The following KIF12 variants were observed in gnomAD, a reference collection of about 807,000 sequenced individuals.
The protein encoded by KIF12 is kinesin-like protein KIF12.
In KIF12, 80 loss-of-function variants were observed where a neutral mutation model predicts 87.9. That is an observed-to-expected ratio of 0.91 (90% CI 0.76 to 1.10). The LOEUF (loss-of-function observed/expected upper bound fraction) is 1.10, where lower values mean the gene tolerates loss of function less well. Ranked by LOEUF, KIF12 falls within the 50% of genes least tolerant of loss-of-function variation. The pLI is 0.00. For synonymous variants in KIF12, 353 were observed against 348.5 expected (o/e 1.01, Z -0.14); for missense variants, 819 against 865.3 (o/e 0.95, Z 0.67).
At position 114,099,011 on chromosome 9, in the gene KIF12, A is replaced by G; in HGVS notation, c.95T>C (p.Val32Ala). The G allele has an allele frequency of 6.5e-7, 1 of 1,550,198 alleles. No homozygotes were observed. The highest frequency in any genetic ancestry group is 8.7e-7 in the Non-Finnish European group (1 of 1,146,824). Residue 32 changes from valine to alanine, a missense_variant and splice_region_variant, in exon 3 of 19, where the codon GTA (valine) becomes GCA (alanine). Val to Ala is a moderately conservative substitution (Grantham distance 64, BLOSUM62 0). Coordinates refer to ENST00000640217, the MANE Select transcript of KIF12 (RefSeq NM_001388308.1). ...PETPIQVVLR[V>A]RPMSAAELRR... ...CAGCTCGGCCGCGCTCATGGGACGT[A>G]CCCTGGGGTCCGACAGAAGGGCAGA...
chr9:114,098,489 G>GGC, intron 3 of KIF12, 60 bp from the exon 4 acceptor site: 1 of 1,240,980 alleles, frequency 8.1e-7, no homozygotes, highest in African/African-American at 1.7e-5. Flanking sequence ...ACCCTGGAGG[G>GGC]GCGGGGCACC....
chr9:114,092,581 G>A lies in KIF12; in HGVS notation c.1658C>T (p.Pro553Leu), dbSNP rs1475446341. 1.3e-5 allele frequency: 21 copies of A among 1,607,584 alleles called. No homozygotes were observed. The highest frequency in any genetic ancestry group is 1.7e-5 in the Non-Finnish European group (20 of 1,178,372). Reference protein sequence around the residue: ...PPSARPPPWAPPCSPGSAKCP... With the variant: ...PPSARPPPWALPCSPGSAKCP... ...CTTGGCAGAGCCAGGGCTGCATGGG[G>A]GTGCCCAGGGTGGGGGCCGGGCAGA... The change falls in exon 17 of 19, where the codon CCC (proline) becomes CTC (leucine). Residue 553 changes from proline (P) to leucine (L), a missense_variant. Coordinates refer to ENST00000640217, the MANE Select transcript of KIF12 (RefSeq NM_001388308.1).
chr9:114,092,426 G>A lies in KIF12; in HGVS notation c.1723C>T (p.Arg575Ter), dbSNP rs750069192. The change falls in exon 18 of 19, where the codon CGA becomes TGA. Residue 575 changes from arginine to a stop codon, truncating the protein, a stop_gained. Transcript: ENST00000640217. LOFTEE classifies it high-confidence loss of function. Reference sequence around the variant, plus strand: ...TCCGTCAACATCTCTGCCAGGACTCGGGTCTGAGTCCAGTCACTGTGACTC... The same window carrying A: ...TCCGTCAACATCTCTGCCAGGACTCAGGTCTGAGTCCAGTCACTGTGACTC... ...ERSHSDWTQT[R>*]VLAEMLTEEE... 11 of 1,613,400 alleles carry A rather than the reference G, an allele frequency of 6.8e-6. No individual in the cohort carries two copies. Among genetic ancestry groups the A allele is most frequent in the South Asian group, 3.3e-5 (3 of 91,000 alleles).
chr9:114,092,095 G>T (rs1361535373), intron 18 of KIF12, 95 bp from the exon 19 acceptor site: 51 of 1,476,522 alleles, frequency 3.5e-5, no homozygotes, highest in Non-Finnish European at 4.0e-5. Context: ...AGCCTCAGGG[G>T]GTAGGTACCC....
In KIF12 at chr9:114,093,312, A is replaced by G. The variant is rs1367087125; in HGVS notation, c.1513T>C (p.Cys505Arg). The change falls in exon 16 of 19, where the codon TGC (cysteine) becomes CGC (arginine). Residue 505 changes from cysteine (C) to arginine (R), a missense_variant. By Grantham distance (180) the Cys-to-Arg change is radical. Transcript: ENST00000640217. Reference protein sequence around the residue: ...PCHALPPLYSCPCCHICPLCR... With the variant: ...PCHALPPLYSRPCCHICPLCR... Reference sequence around the variant, plus strand: ...AGTGGGCAGATGTGGCAGCAGGGGCAGGAGTAGAGGGGTGGCAGTGCCTGC... The same window carrying G: ...AGTGGGCAGATGTGGCAGCAGGGGCGGGAGTAGAGGGGTGGCAGTGCCTGC... 4.5e-6 allele frequency: 7 copies of G among 1,560,070 alleles called. No individual in the cohort carries two copies. The highest frequency in any genetic ancestry group is 6.1e-6 in the Non-Finnish European group (7 of 1,151,476).
rs1847375458 is a variant in KIF12 at position 114,099,133 on chromosome 9, C to A, written c.63G>T (p.Gly21=). ...GCACCACCTGGATGGGCGTTTCCGG[C>A]CCCTCTGGCCCTTGCTCCAGGCTCC... is the stretch of plus-strand genomic sequence containing the variant. ...LARSLEQGPE[G]PETPIQVVLR... Residue 21 remains glycine (G), a synonymous_variant, in exon 2 of 19, where the codon GGG becomes GGT. Coordinates refer to ENST00000640217, the MANE Select transcript of KIF12 (RefSeq NM_001388308.1). 6.4e-7 allele frequency: 1 copy of A among 1,550,468 alleles called. No individual in the cohort carries two copies. The highest frequency in any genetic ancestry group is 1.4e-5 in the African/African-American group (1 of 73,010).
At chr9:114,092,024 C>T (rs1469322277) in intron 18 of KIF12, 24 bp from the exon 19 acceptor site, 2 of 1,600,748 alleles carry the variant, frequency 1.2e-6, no homozygotes, top group Admixed American at 1.7e-5. Flanking sequence ...AGACTCGAGG[C>T]CTGCCCTCTC....
rs1360686480 is a variant in KIF12, at chr9:114,098,423, G to A, written c.178C>T (p.Pro60Ser). 3.3e-6 allele frequency: 5 copies of A among 1,510,618 alleles called. No homozygotes were observed. The highest frequency in any genetic ancestry group is 4.2e-5 in the Admixed American group (2 of 47,208). 93.6% of individuals were successfully genotyped at this position (1,510,618 alleles called of 1,614,324 possible). ...GCCACTTCTGGACCCCCGCCTGGAG[G>A]ACTCACCTGGCGCGGGTGGGGCGGA... ...CSGTRTLQVS[P>S]PGGGPEVAFR... is the part of the protein sequence containing the mutation. Residue 60 changes from proline (P) to serine (S), a missense_variant, in exon 4 of 19, where the codon CCT becomes TCT. By Grantham distance (74) the Pro-to-Ser change is moderately conservative. Transcript: ENST00000640217.
At chr9:114,097,560 G>T (rs374263054) in intron 6 of KIF12, 47 bp downstream of exon 6, 6 of 1,607,950 alleles carry the variant, frequency 3.7e-6, no homozygotes, top group Non-Finnish European at 5.1e-6. Flanking sequence ...GGAAAGAAGC[G>T]CTCCGTTTCC....
intron 18 of KIF12, 114 bp from the exon 19 acceptor site, chr9:114,092,114 T>TCCCCCCCCCCC: frequency 1.0e-5 from 14 of 1,389,220 alleles, no homozygotes; most frequent in Non-Finnish European, 1.3e-5. Flanking sequence ...CCTCCACCCT[T>TCCCCCCCCCCC]CCCCCCACCC....
rs1046349451 is a variant in KIF12, at chr9:114,093,930, C to A, written c.1356G>T (p.Gln452His). 6.2e-7 allele frequency: 1 copy of A among 1,614,158 alleles called. No individual in the cohort carries two copies. ...GCTGGGCCAGGATGCGCTGCTCATT[C>A]TGGGCCAGGTCTCGGCTATTCTGCA... ...SQLQNSRDLAQNEQRILAQQV... is the reference protein window; with the variant it reads ...SQLQNSRDLAHNEQRILAQQV... The change falls in exon 14 of 19, where the codon CAG becomes CAT. Residue 452 changes from glutamine (Q) to histidine (H), a missense_variant. By Grantham distance (24) the Gln-to-His change is conservative. Coordinates refer to ENST00000640217, the MANE Select transcript of KIF12 (RefSeq NM_001388308.1).
chr9:114,091,903 A>C lies in KIF12; in HGVS notation c.1914T>G (p.Ser638Arg), dbSNP rs117751044. 8.1e-5 allele frequency: 131 copies of C among 1,611,496 alleles called. 1 individual carries two copies. The African/African-American group carries it at 1.6e-3, about 20-fold the overall frequency. Reference sequence around the variant, plus strand: ...CTTGGCCTGGGCTCCGTGCGCCCTCACTGCAGGGTGGCTGGCTGCGGCCAC... The same window carrying C: ...CTTGGCCTGGGCTCCGTGCGCCCTCCCTGCAGGGTGGCTGGCTGCGGCCAC... ...LRRGRSQPPCSEGARSPGQVL... is the reference protein window; with the variant it reads ...LRRGRSQPPCREGARSPGQVL... The change falls in exon 19 of 19, where the codon AGT (serine) becomes AGG (arginine). Residue 638 changes from serine (S) to arginine (R), a missense_variant. Transcript: ENST00000640217.
chr9:114,093,998 G>C, intron 13 of KIF12, 26 bp from the exon 14 acceptor site: 1 of 1,606,576 alleles, frequency 6.2e-7, no homozygotes, highest in Non-Finnish European at 8.5e-7. Flanking sequence ...AGCCAGGAAG[G>C]GGTAGGAAAT....
chr9:114,098,501 T>TGGTGGAGGGCGGGGCACGCG, intron 3 of KIF12, 72 bp from the exon 4 acceptor site: 1 of 767,786 alleles, frequency 1.3e-6, no homozygotes, highest in Non-Finnish European at 1.7e-6. Context: ...CGGGGCACCG[T>TGGTGGAGGGCGGGGCACGCG]GGAGGAGGGC....
rs966666532 is a variant in KIF12 at position 114,092,617 on chromosome 9, C to G, written c.1622G>C (p.Gly541Ala). ...PQVLDPEASG[G>A]RPPSARPPPW... ...TGGGGGCCGGGCAGATGGGGGCCTGCCACCTGAGGCCTCAGGGTCCAACAC... is the reference window on the plus strand; with the variant it reads ...TGGGGGCCGGGCAGATGGGGGCCTGGCACCTGAGGCCTCAGGGTCCAACAC... Residue 541 changes from glycine (G) to alanine (A), a missense_variant, in exon 17 of 19, where the codon GGC becomes GCC. Gly to Ala is a moderately conservative substitution (Grantham distance 60). Transcript: ENST00000640217. The G allele has an allele frequency of 6.3e-7, 1 of 1,596,154 alleles. No homozygotes were observed. Among genetic ancestry groups the G allele is most frequent in the Non-Finnish European group, 8.5e-7 (1 of 1,174,268 alleles).
chr9:114,097,557 A>C (rs980862323), intron 6 of KIF12, 50 bp downstream of exon 6: 8 of 1,607,380 alleles, frequency 5.0e-6, no homozygotes, highest in Non-Finnish European at 6.8e-6. Context: ...CCTGGAAAGA[A>C]GCGCTCCGTT....
In KIF12 at chr9:114,093,214, C is replaced by T. The variant is rs1288642536; in HGVS notation, c.1596+15G>A. The T allele has an allele frequency of 5.2e-6, 8 of 1,543,984 alleles. No homozygotes were observed. The highest frequency in any genetic ancestry group is 7.0e-6 in the Non-Finnish European group (8 of 1,140,286). On this transcript the variant is annotated intron_variant, in intron 16 of 18. Coordinates refer to ENST00000640217, the MANE Select transcript of KIF12 (RefSeq NM_001388308.1). ...TCTCCCAGCCTTCCCTCACTCCCAC[C>T]ATGGCCTTTCCTACCTGGGGCAGGT... is the stretch of plus-strand genomic sequence containing the variant.
chr9:114,098,461 T>TCTGGAGGTGGGCGGGGCACC, intron 3 of KIF12, 32 bp from the exon 4 acceptor site: 1 of 1,427,068 alleles, frequency 7.0e-7, no homozygotes, highest in Non-Finnish European at 9.2e-7. Flanking sequence ...AGCGGGGCAC[T>TCTGGAGGTGGGCGGGGCACC]CTGGAGGAGG....
Position 114,093,900 on chromosome 9 carries a change from G to A in KIF12, c.1386C>T (p.Val462=), listed in dbSNP as rs936087049. The change falls in exon 14 of 19, where the codon GTC becomes GTT. Residue 462 remains valine, a synonymous_variant. Transcript: ENST00000640217. ...GCTCTGCTTACCTCTCTAGTGCATGGACCTGCTGGGCCAGGATGCGCTGCT... is the reference window on the plus strand; with the variant it reads ...GCTCTGCTTACCTCTCTAGTGCATGAACCTGCTGGGCCAGGATGCGCTGCT... ...QNEQRILAQQ[V]HALERRLLSA... is the part of the protein sequence containing the mutation. 8 of 1,613,924 alleles carry A rather than the reference G, an allele frequency of 5.0e-6. No homozygotes were observed. The African/African-American group carries it at 9.3e-5, about 19-fold the overall frequency.
Sources: gnomAD v4.1 joint callset for allele counts on GRCh38, gnomAD v4.1.1 for gene constraint, MANE v1.5 for transcripts, NCBI Gene and HGNC (gene_info 2026-07-23, HGNC 2026-07-21) for gene names.